ZNF618: variants seen among roughly 807,000 people sequenced by gnomAD.
ZNF618 encodes neural precursor cell expressed, developmentally down-regulated 10.
A neutral mutation model predicts 103.0 loss-of-function variants in ZNF618; 34 were observed. The observed-to-expected ratio is 0.33, with a 90% CI of 0.25 to 0.44. The LOEUF (loss-of-function observed/expected upper bound fraction) is 0.44, where lower values mean the gene tolerates loss of function less well. ZNF618 is among the 20% of genes least tolerant of loss of function. The pLI is 1.00. For missense variants in ZNF618, 1,059 were observed against 1,295.4 expected, an observed-to-expected ratio of 0.82 and a Z score of 2.80; for synonymous variants, 551 against 542.2, an observed-to-expected ratio of 1.02 and a Z score of -0.23.
rs1842672336 is a variant in ZNF618, at chr9:114,016,698, C to T, written c.758C>T (p.Thr253Ile). Residue 253 changes from threonine to isoleucine, a missense_variant, in exon 10 of 15, where the codon ACT (threonine) becomes ATT (isoleucine). By Grantham distance (89) the Thr-to-Ile change is moderately conservative. Transcript: ENST00000374126. ...PEPFQKIGPK[T>I]GNYTCEFCGK... is the part of the protein sequence containing the mutation. ...CCTTCGTTTCCTTCCTGGACAGAAA[C>T]TGGCAATTACACCTGTGAATTCTGC... 6.2e-7 allele frequency: 1 copy of T among 1,613,618 alleles called. No individual in the cohort carries two copies. The highest frequency in any genetic ancestry group is 8.5e-7 in the Non-Finnish European group (1 of 1,179,666).
chr9:113,942,247 CT>C (rs200706075), intron 1 of ZNF618, among the ~76,000 whole-genome samples: 9,597 of 144,130 alleles, frequency 0.067, 373 homozygotes, highest in East Asian at 0.2. Context: ...AATAGTTCTC[CT>C]TTTTTTTTTT....
At chr9:113,989,585 A>G (rs947104841) in intron 3 of ZNF618, among the ~76,000 whole-genome samples, 1 of 152,146 alleles carries the variant, frequency 6.6e-6, no homozygotes, top group Non-Finnish European at 1.5e-5. Flanking sequence ...TCCAAGGCTC[A>G]GTGTGTTCTT....
chr9:113,961,757 C>T (rs1381425791), intron 1 of ZNF618, among the ~76,000 whole-genome samples: 2 of 152,198 alleles, frequency 1.3e-5, no homozygotes, highest in Non-Finnish European at 2.9e-5. Context: ...TTGCAAAGCT[C>T]TTTATAACTT....
At chr9:113,950,438 A>G (rs1024144745) in intron 1 of ZNF618, among the ~76,000 whole-genome samples, 2 of 152,078 alleles carry the variant, frequency 1.3e-5, no homozygotes, top group African/African-American at 2.4e-5. Flanking sequence ...CTAGCACTCC[A>G]TCATCGCCAG....
At chr9:114,048,625 C>T in intron 14 of ZNF618, 26 bp from the exon 15 acceptor site, 1 of 1,586,618 alleles carries the variant, frequency 6.3e-7, no homozygotes, top group South Asian at 1.2e-5. Flanking sequence ...AGAATTAATC[C>T]CATCTGTCTT....
At chr9:114,029,033 A>G in intron 11 of ZNF618, 61 bp downstream of exon 11, 1 of 1,511,522 alleles carries the variant, frequency 6.6e-7, no homozygotes, top group Non-Finnish European at 8.9e-7. Context: ...ACCACCTGCC[A>G]CAGCTGTGCC....
At chr9:113,925,119 T>C (rs1210891794) in intron 1 of ZNF618, among the ~76,000 whole-genome samples, 2 of 152,042 alleles carry the variant, frequency 1.3e-5, no homozygotes, top group Admixed American at 6.5e-5. Flanking sequence ...CTAGAGGATA[T>C]TGATGGTGGA....
chr9:113,994,487 T>C (rs1226949755), intron 3 of ZNF618, among the ~76,000 whole-genome samples: 2 of 152,154 alleles, frequency 1.3e-5, no homozygotes, highest in East Asian at 3.9e-4. Flanking sequence ...GGTTAGAGGG[T>C]CCCTGTTAGA....
chr9:113,924,766 A>T (rs566937974), intron 1 of ZNF618, among the ~76,000 whole-genome samples: 1 of 151,786 alleles, frequency 6.6e-6, no homozygotes, highest in African/African-American at 2.4e-5. Context: ...TTCTCTTGAG[A>T]TTTCTGCATT....
intron 1 of ZNF618, among the ~76,000 whole-genome samples, chr9:113,918,123 G>A (rs1832294545): frequency 1.3e-5 from 2 of 152,116 alleles, no homozygotes; most frequent in Non-Finnish European, 2.9e-5. Context: ...GTCCCCACCG[G>A]TTGTTTTATA....
rs557946146 is a variant in ZNF618 at position 114,036,181 on chromosome 9, C to T, written c.1169-119C>T. 10 of 873,070 alleles carry T rather than the reference C, an allele frequency of 1.1e-5. No individual in the cohort carries two copies. In the African/African-American group the frequency reaches 1.7e-4, roughly 15 times the overall value. 54.1% of individuals were successfully genotyped at this position (873,070 alleles called of 1,614,324 possible). A position where few individuals can be genotyped will look rare whatever the true frequency, so the allele number is the denominator to read the frequency against. On this transcript the variant is annotated intron_variant, in intron 12 of 14. Coordinates refer to ENST00000374126, the MANE Select transcript of ZNF618 (RefSeq NM_001318042.2). ...GGAGGCAGGCAGGCTGGGCCCGGAGCCCTGAGCACAGAGACCCGGTGTGTG... is the reference window on the plus strand; with the variant it reads ...GGAGGCAGGCAGGCTGGGCCCGGAGTCCTGAGCACAGAGACCCGGTGTGTG...
intron 1 of ZNF618, among the ~76,000 whole-genome samples, chr9:113,960,772 T>C (rs561460140): frequency 1.1e-4 from 17 of 152,300 alleles, no homozygotes; most frequent in African/African-American, 3.6e-4. Context: ...CCATGGAGCA[T>C]TGTGGCCACT....
chr9:113,907,564 A>G (rs1831099329), intron 1 of ZNF618, among the ~76,000 whole-genome samples: 2 of 152,286 alleles, frequency 1.3e-5, no homozygotes, highest in Admixed American at 1.3e-4. Context: ...ATCAGAACCA[A>G]GAAACCCAGG....
chr9:114,044,481 C>G (rs908820168), intron 13 of ZNF618, among the ~76,000 whole-genome samples: 1 of 151,800 alleles, frequency 6.6e-6, no homozygotes, highest in Admixed American at 6.6e-5. Flanking sequence ...ATGTGTTGCC[C>G]CCAGATTTGT....
Position 114,049,090 on chromosome 9 carries a change from C to A in ZNF618, c.1788C>A (p.His596Gln). ...ADIRDSGDLV[H>Q]HWVQNVLSEF... is the part of the protein sequence containing the mutation. Reference sequence around the variant, plus strand: ...TTCGCGACAGCGGTGACCTTGTGCACCACTGGGTGCAGAACGTGCTGTCGG... The same window carrying A: ...TTCGCGACAGCGGTGACCTTGTGCAACACTGGGTGCAGAACGTGCTGTCGG... Residue 596 changes from histidine to glutamine, a missense_variant, in exon 15 of 15, where the codon CAC becomes CAA. Physicochemically the swap from His to Gln is conservative, Grantham distance 24 (BLOSUM62 0). This residue lies in a region of ZNF618 where 272 missense variants were observed against 380.1 expected (regional missense o/e 0.72). Transcript: ENST00000374126. 1 of 1,613,870 alleles carries A rather than the reference C, an allele frequency of 6.2e-7. No individual in the cohort carries two copies. The highest frequency in any genetic ancestry group is 1.1e-5 in the South Asian group (1 of 91,088).
chr9:114,014,189 A>T (rs1588343196), intron 9 of ZNF618, among the ~76,000 whole-genome samples: 1 of 152,252 alleles, frequency 6.6e-6, no homozygotes, highest in Non-Finnish European at 1.5e-5. Flanking sequence ...CATGAACAAG[A>T]CTTGTAAAAC....
chr9:114,002,714 G>A, intron 6 of ZNF618, 52 bp downstream of exon 6: 2 of 1,593,374 alleles, frequency 1.3e-6, no homozygotes, highest in Non-Finnish European at 1.7e-6. Flanking sequence ...GCTTGGGGTG[G>A]GATGAAGAGG....
intron 1 of ZNF618, among the ~76,000 whole-genome samples, chr9:113,905,207 G>A (rs1042808189): frequency 5.3e-5 from 8 of 152,150 alleles, no homozygotes; most frequent in South Asian, 2.1e-4. Flanking sequence ...GGAGGCACAC[G>A]CCCTCACACC....
chr9:113,978,697 T>A (rs2133072353), intron 2 of ZNF618, among the ~76,000 whole-genome samples: 1 of 152,318 alleles, frequency 6.6e-6, no homozygotes, highest in Non-Finnish European at 1.5e-5. Flanking sequence ...TCCAAATGGT[T>A]AAAAGCCTAG....
Sources: allele counts gnomAD v4.1 joint callset (sites outside exome capture counted in the v4.1 genomes callset), GRCh38; gene constraint gnomAD v4.1.1; regional missense constraint gnomAD v4.1.1; transcripts MANE v1.5; gene names NCBI Gene and HGNC (gene_info 2026-07-23, HGNC 2026-07-21).